Variants in GPC5 observed in about 807,000 individuals in gnomAD.
GPC5 encodes the protein glypican 5.
Under a neutral mutation model 53.9 loss-of-function variants are expected in GPC5, and 47 were observed. That is an observed-to-expected ratio of 0.87 (90% CI 0.69 to 1.11). The LOEUF is 1.11. GPC5 is among the 50% of genes most tolerant of loss of function. GPC5 has a pLI of 0.00. For missense variants in GPC5, 748 were observed against 713.1 expected (o/e 1.05, Z -0.56); for synonymous variants, 286 against 263.3 (o/e 1.09, Z -0.84).
intron 7 of GPC5, among the ~76,000 whole-genome samples, chr13:92,712,990 G>T (rs1363063557): frequency 1.3e-5 from 2 of 152,036 alleles, no homozygotes; most frequent in Non-Finnish European, 2.9e-5. Flanking sequence ...AAACCTGTGA[G>T]AATTTTTTTT....
chr13:92,130,756 G>T (rs1357648710), intron 6 of GPC5, among the ~76,000 whole-genome samples: 1 of 151,958 alleles, frequency 6.6e-6, no homozygotes, highest in African/African-American at 2.4e-5. Context: ...GCCAAATAGT[G>T]TTTAACTGTC....
At chr13:91,530,453 C>G (rs937613932) in intron 2 of GPC5, among the ~76,000 whole-genome samples, 3 of 152,158 alleles carry the variant, frequency 2.0e-5, no homozygotes, top group African/African-American at 7.2e-5. Flanking sequence ...CCTCTGACAC[C>G]AGTATTCGAA....
Position 91,490,327 on chromosome 13 carries a change from A to C in GPC5, c.325+41405A>C, listed in dbSNP as rs9583937. Among the ~76,000 whole-genome samples, 1,471 of 152,304 alleles carry C rather than the reference A, an allele frequency of 9.7e-3. 25 individuals carry two copies. Among genetic ancestry groups the C allele is most frequent in the African/African-American group, 0.031 (1,274 of 41,570 alleles). On this transcript the variant is annotated intron_variant, in intron 2 of 7. Transcript: ENST00000377067. ...TTCTAGCTTTGAAGACTGGACTCAG[A>C]AAAACAAGAGTGCCACAGAGAAATA...
At chr13:91,941,717 G>A (rs1018296927) in intron 6 of GPC5, among the ~76,000 whole-genome samples, 2 of 152,106 alleles carry the variant, frequency 1.3e-5, no homozygotes. Flanking sequence ...GGCACTTCAT[G>A]TATGTTTCCT....
At chr13:92,242,873 G>T (rs540423389) in intron 7 of GPC5, among the ~76,000 whole-genome samples, 34 of 152,248 alleles carry the variant, frequency 2.2e-4, no homozygotes, top group African/African-American at 7.7e-4. Flanking sequence ...CTGTAAGAAA[G>T]AAATATTAAA....
At chr13:92,517,793 G>A (rs1269928846) in intron 7 of GPC5, among the ~76,000 whole-genome samples, 2 of 152,302 alleles carry the variant, frequency 1.3e-5, no homozygotes, top group African/African-American at 4.8e-5. Flanking sequence ...CCAAAGGAAT[G>A]CAGCTACTCG....
rs570902957 is a variant in GPC5 at position 92,428,654 on chromosome 13, A to G, written c.1561+283665A>G. ...CAGCTTAGAGTTCTCTCTAGTTTAC[A>G]TTATATTTTGTGCCAAGTGTGCCCA... On this transcript the variant is annotated intron_variant, in intron 7 of 7. Coordinates refer to ENST00000377067, the MANE Select transcript of GPC5 (RefSeq NM_004466.6). 2.0e-5 allele frequency among the ~76,000 whole-genome samples: 3 copies of G among 152,242 alleles called. No individual in the cohort carries two copies. In the East Asian group the frequency reaches 5.8e-4, roughly 29 times the overall value.
intron 6 of GPC5, among the ~76,000 whole-genome samples, chr13:92,124,720 C>T (rs1431588073): frequency 6.6e-6 from 1 of 152,078 alleles, no homozygotes; most frequent in Non-Finnish European, 1.5e-5. Context: ...GCTGCATCAA[C>T]TAATATACTC....
intron 6 of GPC5, among the ~76,000 whole-genome samples, chr13:92,005,485 G>T (rs1266691142): frequency 6.6e-6 from 1 of 152,102 alleles, no homozygotes; most frequent in African/African-American, 2.4e-5. Flanking sequence ...GTCTTACACA[G>T]ACGTCATAGA....
rs150590985 is a variant in GPC5, at chr13:91,997,094, T to G, written c.1401+89037T>G. Reference sequence around the variant, plus strand: ...TGGTACATGTGAAGACACATTTCTATGGAGTATAGCTGTAAGCATAAACAT... The same window carrying G: ...TGGTACATGTGAAGACACATTTCTAGGGAGTATAGCTGTAAGCATAAACAT... On this transcript the variant is annotated intron_variant, in intron 6 of 7. Coordinates refer to ENST00000377067, the MANE Select transcript of GPC5 (RefSeq NM_004466.6). 4.6e-5 allele frequency among the ~76,000 whole-genome samples: 7 copies of G among 152,272 alleles called. No homozygotes were observed. In the East Asian group the frequency reaches 1.4e-3, roughly 29 times the overall value.
At chr13:91,535,239 G>C (rs2184728) in intron 2 of GPC5, among the ~76,000 whole-genome samples, 76,413 of 152,048 alleles carry the variant, frequency 0.5, 23,377 homozygotes, top group East Asian at 0.7. Context: ...CCTTTCATTA[G>C]AGTGGCCATT....
At chr13:91,547,248 C>T (rs1594236708) in intron 2 of GPC5, among the ~76,000 whole-genome samples, 1 of 152,064 alleles carries the variant, frequency 6.6e-6, no homozygotes, top group Non-Finnish European at 1.5e-5. Flanking sequence ...GGCTGCTGGC[C>T]TAAATGGAGA....
chr13:91,591,843 A>C (rs1241173058), intron 2 of GPC5, among the ~76,000 whole-genome samples: 2 of 152,170 alleles, frequency 1.3e-5, no homozygotes, highest in East Asian at 3.9e-4. Flanking sequence ...GGATTGTTTT[A>C]CTGGATTCTG....
At chr13:91,460,475 T>G (rs1881862426) in intron 2 of GPC5, among the ~76,000 whole-genome samples, 1 of 152,050 alleles carries the variant, frequency 6.6e-6, no homozygotes, top group Non-Finnish European at 1.5e-5. Context: ...TTTATTTTTG[T>G]GTTTTTAGTA....
intron 2 of GPC5, among the ~76,000 whole-genome samples, chr13:91,476,404 G>A (rs1016308264): frequency 2.6e-4 from 39 of 152,200 alleles, no homozygotes; most frequent in South Asian, 8.3e-4. Context: ...AAATAACAAC[G>A]GATTTGAGAT....
chr13:92,642,143 T>G (rs1885615739), intron 7 of GPC5, among the ~76,000 whole-genome samples: 1 of 152,216 alleles, frequency 6.6e-6, no homozygotes, highest in Non-Finnish European at 1.5e-5. Flanking sequence ...GGTTTTCCTC[T>G]GCTTTGGGTC....
chr13:92,709,910 T>C (rs918416571), intron 7 of GPC5, among the ~76,000 whole-genome samples: 2 of 152,200 alleles, frequency 1.3e-5, no homozygotes, highest in African/African-American at 4.8e-5. Context: ...TTTAAGTGGA[T>C]GCCATAGCTT....
intron 6 of GPC5, among the ~76,000 whole-genome samples, chr13:92,100,749 C>A (rs2041459842): frequency 6.6e-6 from 1 of 152,088 alleles, no homozygotes; most frequent in South Asian, 2.1e-4. Flanking sequence ...ACTAAAGATG[C>A]CAAGACCAAG....
At chr13:92,369,059 A>G (rs2043629563) in intron 7 of GPC5, among the ~76,000 whole-genome samples, 1 of 152,242 alleles carries the variant, frequency 6.6e-6, no homozygotes. Flanking sequence ...TTCGTTCACA[A>G]TAACAAATAA....
Sources: gnomAD v4.1 joint callset for allele counts (sites outside exome capture counted in the v4.1 genomes callset) on GRCh38, gnomAD v4.1.1 for gene constraint, MANE v1.5 for transcripts, NCBI Gene and HGNC (gene_info 2026-07-23, HGNC 2026-07-21) for gene names.